The following GRAMD2A variants were observed in gnomAD, a reference collection of about 807,000 sequenced individuals.
The protein encoded by GRAMD2A is GRAM domain-containing protein 2A.
Under a neutral mutation model 51.1 loss-of-function variants are expected in GRAMD2A, and 37 were observed. The ratio of observed to expected loss-of-function variants is 0.72; its 90% CI spans 0.56 to 0.95. The LOEUF (loss-of-function observed/expected upper bound fraction) is 0.95. GRAMD2A is among the 40% of genes least tolerant of loss of function. GRAMD2A has a pLI of 0.00. For synonymous variants in GRAMD2A, 136 were observed against 157.1 expected (o/e 0.87, Z 1.01); for missense variants, 414 against 426.9 (o/e 0.97, Z 0.27).
In GRAMD2A at chr15:72,162,406, T is replaced by C. The variant is rs375220241; in HGVS notation, c.957-29A>G. ...AAGAAAGCGGCAATACGGAGTTAAATATTTCTTCCACAGAAAGAGCATTTC... is the reference window on the plus strand; with the variant it reads ...AAGAAAGCGGCAATACGGAGTTAAACATTTCTTCCACAGAAAGAGCATTTC... On this transcript the variant is annotated intron_variant, in intron 10 of 11. Transcript: ENST00000309731. 6.0e-6 allele frequency: 9 copies of C among 1,505,806 alleles called. No individual in the cohort carries two copies. The African/African-American group carries it at 1.2e-4, about 21-fold the overall frequency. 93.3% of individuals were successfully genotyped at this position (1,505,806 alleles called of 1,614,324 possible).
Position 72,166,196 on chromosome 15 carries a change from G to A in GRAMD2A, c.543+436C>T, listed in dbSNP as rs747501309. ...CAGGATTCAATAAGTTATATAAGAT[G>A]TTCCACACTTTATTATAAAACAGGC... On this transcript the variant is annotated intron_variant, in intron 7 of 11. Coordinates refer to ENST00000309731, the MANE Select transcript of GRAMD2A (RefSeq NM_001012642.3). The surrounding 1 kb of genome is among the most constrained non-coding windows in gnomAD (Gnocchi z 4.1). Among the ~76,000 whole-genome samples the A allele has an allele frequency of 1.3e-5, 2 of 152,214 alleles. No homozygotes were observed. The highest frequency in any genetic ancestry group is 2.9e-5 in the Non-Finnish European group (2 of 68,046).
intron 1 of GRAMD2A, among the ~76,000 whole-genome samples, chr15:72,195,349 C>T (rs2081797112): frequency 6.6e-6 from 1 of 152,218 alleles, no homozygotes; most frequent in Non-Finnish European, 1.5e-5. Flanking sequence ...GAACTCACTT[C>T]TGATTCCAGA....
intron 1 of GRAMD2A, among the ~76,000 whole-genome samples, chr15:72,182,344 G>A (rs1447616530): frequency 4.0e-4 from 51 of 126,414 alleles, no homozygotes; most frequent in East Asian, 6.9e-4. Flanking sequence ...CAGCCTGGGC[G>A]ACAGAGTGAG....
intron 1 of GRAMD2A, among the ~76,000 whole-genome samples, chr15:72,171,828 C>CTT (rs1366623321): frequency 7.8e-6 from 1 of 127,796 alleles, no homozygotes; most frequent in Non-Finnish European, 1.7e-5. Context: ...TTTTTTCTGG[C>CTT]TTTTTTATTT....
In GRAMD2A at chr15:72,169,932, G is replaced by A; in HGVS notation, c.49C>T (p.Gln17Ter). 6.2e-7 allele frequency: 1 copy of A among 1,613,942 alleles called. No homozygotes were observed. Among genetic ancestry groups the A allele is most frequent in the African/African-American group, 1.3e-5 (1 of 75,046 alleles). ...SEATEEGGNQ[Q>*]MHRKTASLNS... is the part of the protein sequence containing the mutation. The stretch of plus-strand genomic sequence containing the variant: ...AGAGAAGCTGTCTTTCTGTGCATTT[G>A]TTGGTTGCTAGGGAAAAACAGGCCC... Residue 17 changes from glutamine to a stop codon, truncating the protein, a stop_gained, in exon 2 of 12, where the codon CAA (glutamine) becomes TAA (stop). Transcript: ENST00000309731. LOFTEE classifies it high-confidence loss of function.
chr15:72,172,512 G>T (rs548023878), intron 1 of GRAMD2A, among the ~76,000 whole-genome samples: 1 of 150,222 alleles, frequency 6.7e-6, no homozygotes, highest in Non-Finnish European at 1.5e-5. Context: ...CGCCTCCCAG[G>T]TTCAAGTGAT....
chr15:72,195,224 G>T (rs1392777468), intron 1 of GRAMD2A, among the ~76,000 whole-genome samples: 1 of 152,230 alleles, frequency 6.6e-6, no homozygotes, highest in East Asian at 1.9e-4. Flanking sequence ...ACTGCATGCA[G>T]AAGGCCTTTA....
chr15:72,162,120 G>A (rs911674607), intron 11 of GRAMD2A, 108 bp from the exon 12 acceptor site: 1 of 1,435,936 alleles, frequency 7.0e-7, no homozygotes, highest in East Asian at 2.3e-5. Flanking sequence ...GGCCAGGGTG[G>A]GACTGGTGTA....
intron 1 of GRAMD2A, among the ~76,000 whole-genome samples, chr15:72,171,828 C>CT (rs1366623321): frequency 6.6e-4 from 84 of 127,886 alleles, no homozygotes; most frequent in Non-Finnish European, 9.2e-4. Flanking sequence ...TTTTTTCTGG[C>CT]TTTTTTATTT....
chr15:72,188,922 G>A (rs758630030), intron 1 of GRAMD2A, among the ~76,000 whole-genome samples: 5 of 152,194 alleles, frequency 3.3e-5, no homozygotes, highest in Admixed American at 6.5e-5. Flanking sequence ...GACCTCAGGT[G>A]ATCTGCCCAC....
intron 1 of GRAMD2A, among the ~76,000 whole-genome samples, chr15:72,185,885 A>C (rs1288170349): frequency 6.6e-6 from 1 of 152,266 alleles, no homozygotes; most frequent in Non-Finnish European, 1.5e-5. Flanking sequence ...AAAACACCTA[A>C]ATATTTTCTA....
At chr15:72,174,459 G>A (rs748162092) in intron 1 of GRAMD2A, among the ~76,000 whole-genome samples, 13 of 152,212 alleles carry the variant, frequency 8.5e-5, no homozygotes, top group South Asian at 4.1e-4. Flanking sequence ...ATCCAGTCCC[G>A]TCCCATCCCC....
At chr15:72,164,454 G>A (rs2081518395) in intron 8 of GRAMD2A, among the ~76,000 whole-genome samples, 1 of 149,440 alleles carries the variant, frequency 6.7e-6, no homozygotes, top group Non-Finnish European at 1.5e-5. Context: ...TGCCCAGGCT[G>A]GAATACAGTG....
rs74025230 is a variant in GRAMD2A, at chr15:72,184,898, G to A, written c.41+12833C>T. 7.6e-3 allele frequency among the ~76,000 whole-genome samples: 1,157 copies of A among 152,268 alleles called. 15 individuals are homozygous for A. The highest frequency in any genetic ancestry group is 0.026 in the African/African-American group (1,082 of 41,538). ...CTACCTAAACAACACATAATCAACC[G>A]ACAAATCATAAAAACGTGGCGCAGA... On this transcript the variant is annotated intron_variant, in intron 1 of 11. Coordinates refer to ENST00000309731, the MANE Select transcript of GRAMD2A (RefSeq NM_001012642.3).
At position 72,187,048 on chromosome 15, in the gene GRAMD2A, C is replaced by T. The variant is rs1289269396; in HGVS notation, c.41+10683G>A. Among the ~76,000 whole-genome samples, 4 of 151,308 alleles carry T rather than the reference C, an allele frequency of 2.6e-5. No individual in the cohort carries two copies. In the Middle Eastern group the frequency reaches 0.01, roughly 386 times the overall value. ...TGGTGGTAGGCTCCTGTGATCCCAGCTACTTGGGAGACTGAGGCAGGAAAA... is the reference window on the plus strand; with the variant it reads ...TGGTGGTAGGCTCCTGTGATCCCAGTTACTTGGGAGACTGAGGCAGGAAAA... On this transcript the variant is annotated intron_variant, in intron 1 of 11. Coordinates refer to ENST00000309731, the MANE Select transcript of GRAMD2A (RefSeq NM_001012642.3).
intron 1 of GRAMD2A, among the ~76,000 whole-genome samples, chr15:72,185,593 A>C (rs958671096): frequency 3.3e-5 from 5 of 152,266 alleles, no homozygotes; most frequent in African/African-American, 1.2e-4. Flanking sequence ...AGAGCAAGAA[A>C]ATTTTGAAAA....
intron 10 of GRAMD2A, chr15:72,162,765 T>G (rs1404765690): frequency 4.6e-6 from 1 of 216,190 alleles, no homozygotes; most frequent in African/African-American, 2.3e-5. Flanking sequence ...GTGCTGATGT[T>G]GATGGTCAAA....
rs563105522 is a variant in GRAMD2A at position 72,195,436 on chromosome 15, C to T, written c.41+2295G>A. ...AGAGCGAACCTAAGCAGGTTAGGGG[C>T]GGGGTGGAGCCACCCAGGAGGCACT... On this transcript the variant is annotated intron_variant, in intron 1 of 11. Transcript: ENST00000309731. 1.3e-3 allele frequency among the ~76,000 whole-genome samples: 194 copies of T among 152,252 alleles called. 2 individuals carry two copies. The highest frequency in any genetic ancestry group is 4.3e-3 in the African/African-American group (178 of 41,560).
At chr15:72,174,268 G>T (rs2081635805) in intron 1 of GRAMD2A, among the ~76,000 whole-genome samples, 1 of 152,184 alleles carries the variant, frequency 6.6e-6, no homozygotes, top group African/African-American at 2.4e-5. Context: ...TCAGGCAGGG[G>T]ACACCCAGTG....
Sources: allele counts gnomAD v4.1 joint callset (sites outside exome capture counted in the v4.1 genomes callset), GRCh38; gene constraint gnomAD v4.1.1; non-coding constraint Gnocchi (gnomAD v3.1); transcripts MANE v1.5; gene names NCBI Gene and HGNC (gene_info 2026-07-23, HGNC 2026-07-21).